The following MYL4 variants were observed in gnomAD, a reference collection of about 807,000 sequenced individuals.
The protein encoded by MYL4 is myosin light chain 4, also known as atrial myosin light chain 1.
A neutral mutation model predicts 21.6 loss-of-function variants in MYL4; 16 were observed. The observed-to-expected ratio is 0.74, with a 90% CI of 0.50 to 1.12. The LOEUF is 1.12. Ranked by LOEUF, MYL4 falls within the 50% of genes most tolerant of loss-of-function variation. The pLI, the probability that MYL4 is intolerant of heterozygous loss-of-function variation, is 0.00. For missense variants in MYL4, 249 were observed against 252.9 expected, an observed-to-expected ratio of 0.98 and a Z score of 0.11; for synonymous variants, 82 against 95.7, an observed-to-expected ratio of 0.86 and a Z score of 0.83.
exon 1 of MYL4, chr17:47,200,533 C>T (rs889894978): frequency 5.3e-5 from 8 of 152,254 alleles, no homozygotes; most frequent in African/African-American, 1.9e-4. Context: ...CTCTGGACCT[C>T]TGAAGTTCCT....
intron 3 of MYL4, 32 bp downstream of exon 3, chr17:47,220,085 G>A (rs1363712849): frequency 6.3e-7 from 1 of 1,578,816 alleles, no homozygotes; most frequent in African/African-American, 1.3e-5. Flanking sequence ...ACCTCTCCCA[G>A]GGTCAGGCTT....
At position 47,222,382 on chromosome 17, in the gene MYL4, G is replaced by A. The variant is rs1323974515; in HGVS notation, c.490G>A (p.Glu164Lys). The change falls in exon 5 of 7, where the codon GAG (glutamate) becomes AAG (lysine). Residue 164 changes from glutamate to lysine, a missense_variant and splice_region_variant. Transcript: ENST00000393450. The part of the protein sequence containing the change: ...ELRHVLATLG[E>K]KMTEAEVEQL... ...ACCACCTCCCAAACCCACCGCAGGA[G>A]AGAAGATGACTGAGGCTGAAGTGGA... is the stretch of plus-strand genomic sequence containing the variant. 9.3e-6 allele frequency: 15 copies of A among 1,614,028 alleles called. No homozygotes were observed. The highest frequency in any genetic ancestry group is 1.3e-5 in the Non-Finnish European group (15 of 1,180,026).
At chr17:47,192,136 C>T in the MYL4 span, among the ~76,000 whole-genome samples, 1 of 152,154 alleles carries the variant, frequency 6.6e-6, no homozygotes, top group African/African-American at 2.4e-5. Context: ...AGACGGATCA[C>T]CTGAGGTCAG....
chr17:47,196,497 C>T (rs2064689554), upstream of MYL4, among the ~76,000 whole-genome samples: 1 of 152,100 alleles, frequency 6.6e-6, no homozygotes, highest in Admixed American at 6.5e-5. Context: ...GTATATTGTT[C>T]TTTGAAAAAC....
chr17:47,222,316 G>A, intron 4 of MYL4, 64 bp from the exon 5 acceptor site: 2 of 1,467,648 alleles, frequency 1.4e-6, no homozygotes. Context: ...GGGTACTTGG[G>A]TATTGCCAGT....
intron 5 of MYL4, 41 bp from the exon 6 acceptor site, chr17:47,222,973 G>A (rs773146506): frequency 1.2e-6 from 2 of 1,613,820 alleles, no homozygotes; most frequent in Non-Finnish European, 1.7e-6. Flanking sequence ...GGGCCTAGAG[G>A]CGCTGAGCCA....
intron 1 of MYL4, among the ~76,000 whole-genome samples, chr17:47,212,085 C>T (rs1040520886): frequency 1.3e-5 from 2 of 152,042 alleles, no homozygotes; most frequent in African/African-American, 2.4e-5. Flanking sequence ...ATTAGCTGGG[C>T]GTTATGGCGG....
At chr17:47,209,091 G>A, upstream of MYL4, 1 of 440,768 alleles carries the variant, frequency 2.3e-6, no homozygotes, top group Non-Finnish European at 4.1e-6. Context: ...TATTTGAGAA[G>A]GTCTGTTTCC....
At position 47,213,819 on chromosome 17, in the gene MYL4, G is replaced by A. The variant is rs1323694850; in HGVS notation, c.156G>A (p.Gln52=). ...KSVKIDFTAD[Q]IEEFKEAFSL... ...TACAGATAGACTTCACTGCCGACCA[G>A]ATTGAAGGTGAGTATGGACAACCCC... Residue 52 remains glutamine, a synonymous_variant, in exon 2 of 7, where the codon CAG becomes CAA. Transcript: ENST00000393450. 6.2e-7 allele frequency: 1 copy of A among 1,614,112 alleles called. No individual in the cohort carries two copies. Among genetic ancestry groups the A allele is most frequent in the South Asian group, 1.1e-5 (1 of 91,082 alleles).
the MYL4 span, among the ~76,000 whole-genome samples, chr17:47,189,683 A>G: frequency 2.6e-5 from 4 of 152,278 alleles, no homozygotes; most frequent in Non-Finnish European, 4.4e-5. Context: ...CAAAGGGTGA[A>G]ACAGCAGAGT....
chr17:47,199,564 C>A (rs1421782585), upstream of MYL4, among the ~76,000 whole-genome samples: 1 of 151,548 alleles, frequency 6.6e-6, no homozygotes, highest in Non-Finnish European at 1.5e-5. Context: ...AGGATGCAGA[C>A]ATACAAATAC....
At chr17:47,192,473 C>A in the MYL4 span, among the ~76,000 whole-genome samples, 1 of 150,722 alleles carries the variant, frequency 6.6e-6, no homozygotes, top group Non-Finnish European at 1.5e-5. Flanking sequence ...CACAGTGAAA[C>A]CCCATCTCTA....
rs115813169 is a variant in MYL4 at position 47,220,227 on chromosome 17, G to A, written c.313+174G>A. 0.015 allele frequency among the ~76,000 whole-genome samples: 2,345 copies of A among 152,276 alleles called. 54 individuals carry two copies. Among genetic ancestry groups the A allele is most frequent in the African/African-American group, 0.053 (2,206 of 41,540 alleles). On this transcript the variant is annotated intron_variant, in intron 3 of 6. Transcript: ENST00000393450. The stretch of plus-strand genomic sequence containing the variant: ...TCCCATTTTGAGAATTTATCTAGAC[G>A]TCCCCGTACTTAAGTGACCCTTGAG...
chr17:47,209,429 C>T lies in MYL4; in HGVS notation c.7C>T (p.Pro3Ser), dbSNP rs1300602722. 1 of 1,614,206 alleles carries T rather than the reference C, an allele frequency of 6.2e-7. No individual in the cohort carries two copies. Among genetic ancestry groups the T allele is most frequent in the African/African-American group, 1.3e-5 (1 of 75,046 alleles). MA[P>S]KKPEPKKEAA... ...AAGATCCCAACAAGACAACATGGCT[C>T]CCAAGAAGCCTGAGCCTAAGAAGGA... is the stretch of plus-strand genomic sequence containing the variant. Residue 3 changes from proline (P) to serine (S), a missense_variant, in exon 1 of 7, where the codon CCC becomes TCC. Pro to Ser is a moderately conservative substitution (Grantham distance 74, BLOSUM62 -1). Transcript: ENST00000393450.
chr17:47,208,789 G>A (rs1326415029), upstream of MYL4, among the ~76,000 whole-genome samples: 2 of 152,108 alleles, frequency 1.3e-5, no homozygotes, highest in African/African-American at 4.8e-5. Context: ...TGGAGTTCCT[G>A]GGATGCCTGC....
intron 6 of MYL4, 109 bp downstream of exon 6, chr17:47,223,166 A>T: frequency 1.1e-5 from 13 of 1,145,492 alleles, no homozygotes; most frequent in Non-Finnish European, 1.5e-5. Context: ...CTTAAGAGGA[A>T]ACCTCTTGGG....
downstream of MYL4, among the ~76,000 whole-genome samples, chr17:47,226,569 C>T (rs1442953258): frequency 6.6e-6 from 1 of 152,242 alleles, no homozygotes; most frequent in Admixed American, 6.5e-5. Flanking sequence ...CAACATCAGC[C>T]AACATTTATT....
chr17:47,224,465 A>G (rs1474500188), downstream of MYL4, among the ~76,000 whole-genome samples: 1 of 152,200 alleles, frequency 6.6e-6, no homozygotes, highest in East Asian at 1.9e-4. Flanking sequence ...AAACCATATC[A>G]GTAATGAATC....
At chr17:47,192,006 T>C in the MYL4 span, among the ~76,000 whole-genome samples, 2 of 152,220 alleles carry the variant, frequency 1.3e-5, no homozygotes. Flanking sequence ...CTTGGCACTC[T>C]GGCTTATAGG....
Sources: allele counts gnomAD v4.1 joint callset (sites outside exome capture counted in the v4.1 genomes callset), GRCh38; gene constraint gnomAD v4.1.1; transcripts MANE v1.5; gene names NCBI Gene and HGNC (gene_info 2026-07-23, HGNC 2026-07-21).